The following MRRF variants were observed in gnomAD, a reference collection of about 807,000 sequenced individuals.
MRRF encodes the protein mitochondrial ribosome recycling factor.
Under a neutral mutation model 25.1 loss-of-function variants are expected in MRRF, and 18 were observed. The observed-to-expected ratio is 0.72, with a 90% confidence interval of 0.50 to 1.06. The LOEUF (loss-of-function observed/expected upper bound fraction) is 1.06, where lower values mean the gene tolerates loss of function less well. Ranked by LOEUF, MRRF falls within the 50% of genes least tolerant of loss-of-function variation. The pLI is 0.00. For synonymous variants in MRRF, 113 were observed against 112.1 expected, an observed-to-expected ratio of 1.01 and a Z score of -0.05; for missense variants, 323 against 319.3, an observed-to-expected ratio of 1.01 and a Z score of -0.09.
intron 6 of MRRF, among the ~76,000 whole-genome samples, chr9:122,318,691 G>A (rs1835688657): frequency 6.6e-6 from 1 of 152,198 alleles, no homozygotes; most frequent in Non-Finnish European, 1.5e-5. Flanking sequence ...TGATGGTGAC[G>A]ATGTTATCAT....
At position 122,314,624 on chromosome 9, in the gene MRRF, G is replaced by T. The variant is rs1835403859; in HGVS notation, c.711+1238G>T. ...AATCTGTATTTTAAATCCTTCTCAG[G>T]TGATTCTCATACAGTGACACACTTA... On this transcript the variant is annotated intron_variant, in intron 6 of 6. Coordinates refer to ENST00000344641, the MANE Select transcript of MRRF (RefSeq NM_138777.5). 1.3e-5 allele frequency among the ~76,000 whole-genome samples: 2 copies of T among 152,104 alleles called. 1 individual carries two copies. Among genetic ancestry groups the T allele is most frequent in the South Asian group, 4.1e-4 (2 of 4,830 alleles).
At chr9:122,291,877 G>A (rs112144640) in intron 5 of MRRF, 37 bp downstream of exon 5, 25 of 1,465,592 alleles carry the variant, frequency 1.7e-5, no homozygotes, top group African/African-American at 4.2e-5. Context: ...TTGATGAAAC[G>A]GGGTGGTTGT....
At chr9:122,304,062 AAC>A (rs66775611) in intron 5 of MRRF, among the ~76,000 whole-genome samples, 3,025 of 139,404 alleles carry the variant, frequency 0.022, 31 homozygotes, top group African/African-American at 0.023. Flanking sequence ...ACCCTTTTCT[AAC>A]ACACACACAC....
At chr9:122,286,153 T>C in intron 4 of MRRF, 1 of 1,280,502 alleles carries the variant, frequency 7.8e-7, no homozygotes, top group Non-Finnish European at 1.0e-6. Flanking sequence ...CATTTCCTCA[T>C]CTGCTAATAT....
rs1305136444 is a variant in MRRF at position 122,325,631 on chromosome 9, G to GTGTGTGT, written c.*3014_*3015insTGTGTGT. 1 of 116,590 alleles carries GTGTGTGT rather than the reference G, an allele frequency of 8.6e-6. No individual in the cohort carries two copies. The highest frequency in any genetic ancestry group is 3.4e-5 in the African/African-American group (1 of 28,988). The allele number at this position is 116,590 out of a possible 1,614,324, so 7.2% of individuals were successfully genotyped here. Reference sequence around the variant, plus strand: ...GAATTTGAGAATTTTTTTCCTGTCTGGTGTGTGTGTGTGTGTGTGTGTGTG... The same window carrying GTGTGTGT: ...GAATTTGAGAATTTTTTTCCTGTCTGTGTGTGTGTGTGTGTGTGTGTGTGTGTGTGTG... On this transcript the variant is annotated 3_prime_UTR_variant, in exon 7 of 7. Coordinates refer to ENST00000344641, the MANE Select transcript of MRRF (RefSeq NM_138777.5).
At chr9:122,290,769 A>C (rs1833711168) in intron 4 of MRRF, among the ~76,000 whole-genome samples, 1 of 152,166 alleles carries the variant, frequency 6.6e-6, no homozygotes, top group African/African-American at 2.4e-5. Context: ...CTAGGATTGC[A>C]TACAAGGTAT....
intron 6 of MRRF, 70 bp downstream of exon 6, chr9:122,313,456 G>A: frequency 2.0e-6 from 3 of 1,530,540 alleles, no homozygotes; most frequent in Non-Finnish European, 2.7e-6. Flanking sequence ...TGTTTGAGGT[G>A]AGGACAGTTA....
intron 5 of MRRF, among the ~76,000 whole-genome samples, chr9:122,302,514 A>T (rs912032337): frequency 6.6e-6 from 1 of 152,134 alleles, no homozygotes; most frequent in Non-Finnish European, 1.5e-5. Flanking sequence ...AGGTTCTTTC[A>T]CGTTGTAGCA....
At chr9:122,308,437 G>A (rs1459313967) in intron 5 of MRRF, among the ~76,000 whole-genome samples, 6 of 143,936 alleles carry the variant, frequency 4.2e-5, no homozygotes, top group African/African-American at 7.8e-5. Context: ...GGTGGCTGAC[G>A]CCTGTAATCC....
chr9:122,285,902 C>A, intron 4 of MRRF: 1 of 1,295,482 alleles, frequency 7.7e-7, no homozygotes. Context: ...CTAGACTGAC[C>A]ATTGCAGAAT....
chr9:122,275,404 G>A (rs1321274056), intron 2 of MRRF, among the ~76,000 whole-genome samples: 4 of 152,206 alleles, frequency 2.6e-5, no homozygotes, highest in South Asian at 4.1e-4. Context: ...AGGCCGAGGC[G>A]GGTGGATCAC....
rs113107717 is a variant in MRRF, at chr9:122,319,151, T to C, written c.712-3389T>C. Among the ~76,000 whole-genome samples the C allele has an allele frequency of 3.4e-3, 458 of 135,626 alleles. 3 individuals carry two copies. In the East Asian group the frequency reaches 0.035, roughly 10 times the overall value. 89.0% of individuals were successfully genotyped at this position (135,626 alleles called of 152,430 possible). ...ACTGAACTTCTTTCTTTCTTTCTTT[T>C]TTTTTTTTTTTTTTTTTGAGACAGA... On this transcript the variant is annotated intron_variant, in intron 6 of 6. Transcript: ENST00000344641.
At chr9:122,265,313 C>G (rs1217132106) in intron 1 of MRRF, 1 of 160,752 alleles carries the variant, frequency 6.2e-6, no homozygotes, top group South Asian at 1.5e-4. Flanking sequence ...AGTGAGGGCG[C>G]TTAAATTCAG....
At chr9:122,288,630 CTA>C (rs1280091928) in intron 4 of MRRF, among the ~76,000 whole-genome samples, 1 of 152,168 alleles carries the variant, frequency 6.6e-6, no homozygotes, top group Non-Finnish European at 1.5e-5. Flanking sequence ...TTAAGACAGA[CTA>C]TGTGTCTACT....
chr9:122,266,901 G>A (rs1444501230), intron 1 of MRRF, among the ~76,000 whole-genome samples: 7 of 151,454 alleles, frequency 4.6e-5, no homozygotes, highest in Non-Finnish European at 8.8e-5. Flanking sequence ...GTGAAACCCC[G>A]TCTACTAAAA....
intron 6 of MRRF, among the ~76,000 whole-genome samples, chr9:122,320,361 A>C (rs1835821971): frequency 6.6e-6 from 1 of 152,178 alleles, no homozygotes; most frequent in African/African-American, 2.4e-5. Context: ...CATGTTATCA[A>C]ATTGTTACCC....
intron 6 of MRRF, among the ~76,000 whole-genome samples, chr9:122,318,017 G>T (rs1258005725): frequency 1.3e-5 from 2 of 152,028 alleles, no homozygotes; most frequent in Non-Finnish European, 2.9e-5. Context: ...GGCATCTGTA[G>T]TCCCAGCTAC....
intron 6 of MRRF, among the ~76,000 whole-genome samples, chr9:122,316,050 C>CT (rs1835495017): frequency 6.6e-6 from 1 of 152,106 alleles, no homozygotes; most frequent in African/African-American, 2.4e-5. Context: ...TAATTGAAAT[C>CT]TCATCACTCA....
chr9:122,295,844 A>G (rs1370838358), intron 5 of MRRF, among the ~76,000 whole-genome samples: 2 of 152,134 alleles, frequency 1.3e-5, no homozygotes, highest in Non-Finnish European at 2.9e-5. Context: ...ATGATAGTCT[A>G]TAGGTTTGCT....
Sources: allele counts gnomAD v4.1 joint callset (sites outside exome capture counted in the v4.1 genomes callset), GRCh38; gene constraint gnomAD v4.1.1; transcripts MANE v1.5; gene names NCBI Gene and HGNC (gene_info 2026-07-23, HGNC 2026-07-21).